Variants in EBF4 observed in about 807,000 individuals in gnomAD.
EBF4 encodes the protein EBF transcription factor 4.
EBF4 carries 34 observed loss-of-function variants against 67.1 expected under a neutral mutation model. The ratio of observed to expected loss-of-function variants is 0.51; its 90% confidence interval spans 0.39 to 0.67. The LOEUF (loss-of-function observed/expected upper bound fraction) is 0.67, where lower values mean the gene tolerates loss of function less well. Ranked by LOEUF, EBF4 falls within the 30% of genes least tolerant of loss-of-function variation. The pLI, the probability that EBF4 is intolerant of heterozygous loss-of-function variation, is 0.00. For synonymous variants in EBF4, 387 were observed against 377.7 expected (o/e 1.02, Z -0.29); for missense variants, 837 against 873.3 (o/e 0.96, Z 0.52).
intron 1 of EBF4, among the ~76,000 whole-genome samples, chr20:2,700,853 ACCTG>A (rs1288881162): frequency 6.6e-6 from 1 of 152,202 alleles, no homozygotes; most frequent in Admixed American, 6.5e-5. Flanking sequence ...CACCGTCCAC[ACCTG>A]CCTCTGTTGC....
At chr20:2,698,222 G>A (rs2087324294) in intron 1 of EBF4, among the ~76,000 whole-genome samples, 1 of 152,230 alleles carries the variant, frequency 6.6e-6, no homozygotes, top group African/African-American at 2.4e-5. Context: ...GGTGAGCAGG[G>A]CAGCTGCTGG....
At chr20:2,738,063 G>T (rs189172708) in intron 6 of EBF4, among the ~76,000 whole-genome samples, 1 of 152,174 alleles carries the variant, frequency 6.6e-6, no homozygotes, top group East Asian at 1.9e-4. Flanking sequence ...CTGGGGATGG[G>T]TCTTTCTCTG....
chr20:2,727,445 A>G (rs2087760484), intron 6 of EBF4, among the ~76,000 whole-genome samples: 1 of 152,302 alleles, frequency 6.6e-6, no homozygotes, highest in East Asian at 1.9e-4. Flanking sequence ...GCAGAAATGC[A>G]TATATGAAAA....
intron 6 of EBF4, among the ~76,000 whole-genome samples, chr20:2,734,766 C>T (rs1245161774): frequency 1.3e-5 from 2 of 152,198 alleles, no homozygotes; most frequent in East Asian, 1.9e-4. Context: ...CCTTGAATGC[C>T]AATAAGTGTT....
chr20:2,705,487 C>A (rs1329492727), intron 1 of EBF4, 90 bp from the exon 2 acceptor site: 4 of 1,529,600 alleles, frequency 2.6e-6, no homozygotes, highest in Non-Finnish European at 3.5e-6. Context: ...GGAGCCATGT[C>A]CTGGCTAGCA....
chr20:2,695,313 G>C (rs1046603708), intron 1 of EBF4, among the ~76,000 whole-genome samples: 1 of 152,170 alleles, frequency 6.6e-6, no homozygotes, highest in African/African-American at 2.4e-5. Context: ...TGATGAAGGG[G>C]AAGCAGACGT....
intron 6 of EBF4, among the ~76,000 whole-genome samples, chr20:2,718,100 C>T (rs1600216833): frequency 6.6e-6 from 1 of 152,310 alleles, no homozygotes; most frequent in Non-Finnish European, 1.5e-5. Flanking sequence ...TGAGCCACCG[C>T]ACCCGGCTGG....
chr20:2,718,251 A>T (rs1257425320), intron 6 of EBF4, among the ~76,000 whole-genome samples: 1 of 152,052 alleles, frequency 6.6e-6, no homozygotes, highest in Non-Finnish European at 1.5e-5. Context: ...ATTTTTCTGT[A>T]GTTTTCTTGT....
chr20:2,747,705 T>C lies in EBF4; in HGVS notation c.558-844T>C, dbSNP rs554998417. ...TCTGCTATATGGGATGGCTTTACAG[T>C]ATTTGCAATAACTATATTTTGGGTA... On this transcript the variant is annotated intron_variant, in intron 6 of 16. Coordinates refer to ENST00000609451, the Ensembl canonical transcript of EBF4. The surrounding 1 kb of genome is among the most constrained non-coding windows in gnomAD (Gnocchi z 4.6). 1.6e-4 allele frequency among the ~76,000 whole-genome samples: 24 copies of C among 152,324 alleles called. 1 individual carries two copies. In the South Asian group the frequency reaches 4.1e-3, roughly 26 times the overall value.
rs746365730 is a variant in EBF4 at position 2,758,891 on chromosome 20, T to G, written c.1739-18T>G. The G allele has an allele frequency of 6.4e-7, 1 of 1,551,570 alleles. No individual in the cohort carries two copies. The highest frequency in any genetic ancestry group is 1.2e-5 in the South Asian group (1 of 84,058). On this transcript the variant is annotated intron_variant, in intron 15 of 16. Coordinates refer to ENST00000609451, the Ensembl canonical transcript of EBF4. ...GGTGGCACATGGCTTATGGCTCCTT[T>G]TTCCTTGACTACTGCAGACCAGTCT...
At chr20:2,729,961 G>A (rs1380292758) in intron 6 of EBF4, among the ~76,000 whole-genome samples, 1 of 152,168 alleles carries the variant, frequency 6.6e-6, no homozygotes, top group African/African-American at 2.4e-5. Context: ...CTGGAATGTG[G>A]ATCCCACTCT....
intron 6 of EBF4, among the ~76,000 whole-genome samples, chr20:2,714,479 G>T (rs1256216110): frequency 2.6e-5 from 4 of 152,118 alleles, no homozygotes; most frequent in Admixed American, 6.5e-5. Flanking sequence ...AGCCTCTGAA[G>T]TAGCTGGGAC....
At position 2,693,886 on chromosome 20, in the gene EBF4, C is replaced by T; in HGVS notation, c.137+104C>T. The T allele has an allele frequency of 8.1e-7, 1 of 1,235,684 alleles. No homozygotes were observed. The highest frequency in any genetic ancestry group is 1.0e-6 in the Non-Finnish European group (1 of 985,166). 76.5% of individuals were successfully genotyped at this position (1,235,684 alleles called of 1,614,324 possible). On this transcript the variant is annotated intron_variant, in intron 1 of 16. Coordinates refer to ENST00000609451, the Ensembl canonical transcript of EBF4. This position sits in a 1 kb window ranked among gnomAD's most constrained non-coding sequence, Gnocchi z 4.6. ...GAGCCAGGGGCGGAAGGAGCCCTAA[C>T]TCTGGACGGTCCCGGCGAGCTCCCC...
chr20:2,711,148 AAAT>A (rs144765250), intron 6 of EBF4, among the ~76,000 whole-genome samples: 51,058 of 146,638 alleles, frequency 0.35, 9,296 homozygotes, highest in East Asian at 0.56. Context: ...ACCCTGTCTA[AAAT>A]AATAATAATA....
At chr20:2,716,846 T>C (rs1338575605) in intron 6 of EBF4, among the ~76,000 whole-genome samples, 2 of 152,238 alleles carry the variant, frequency 1.3e-5, no homozygotes, top group Non-Finnish European at 2.9e-5. Context: ...TGATAACTCC[T>C]ATGTAATCAT....
rs2146388537 is a variant in EBF4, at chr20:2,707,224, T to A, written c.415-723T>A. ...GGCCAGGCAGTGCCTAGTGGAACTG[T>A]CAAGGGGACGGGTGTGGAAGGGGTT... On this transcript the variant is annotated intron_variant, in intron 4 of 16. Coordinates refer to ENST00000609451, the Ensembl canonical transcript of EBF4. The surrounding 1 kb of genome is among the most constrained non-coding windows in gnomAD (Gnocchi z 4.6). Among the ~76,000 whole-genome samples the A allele has an allele frequency of 6.6e-6, 1 of 151,810 alleles. No homozygotes were observed. The highest frequency in any genetic ancestry group is 2.0e-4 in the East Asian group (1 of 5,124).
At chr20:2,705,979 C>T (rs375246117) in exon 3 of EBF4, 291 of 1,551,254 alleles carry the variant, frequency 1.9e-4, no homozygotes, top group Admixed American at 4.5e-4. Context: ...TGCAGGAGCC[C>T]GGGGCGGAAA....
chr20:2,709,526 C>T, intron 5 of EBF4, 48 bp from the exon 6 acceptor site: 1 of 1,516,498 alleles, frequency 6.6e-7, no homozygotes, highest in Non-Finnish European at 8.9e-7. Context: ...GTCGTGGCCC[C>T]CTCCTTCCTT....
At chr20:2,713,739 G>A (rs373867328) in intron 6 of EBF4, among the ~76,000 whole-genome samples, 228 of 152,282 alleles carry the variant, frequency 1.5e-3, no homozygotes, top group African/African-American at 5.2e-3. Flanking sequence ...GTAAAGAGAC[G>A]AGTATGATGA....
Sources: allele counts gnomAD v4.1 joint callset (sites outside exome capture counted in the v4.1 genomes callset), GRCh38; gene constraint gnomAD v4.1.1; non-coding constraint Gnocchi (gnomAD v3.1); transcripts MANE v1.5; gene names NCBI Gene and HGNC (gene_info 2026-07-23, HGNC 2026-07-21).